The following WDFY4 variants were observed in gnomAD, a reference collection of about 807,000 sequenced individuals.
WDFY4 encodes the protein WD repeat- and FYVE domain-containing protein 4.
A neutral mutation model predicts 351.9 loss-of-function variants in WDFY4; 169 were observed. The ratio of observed to expected loss-of-function variants is 0.48; its 90% CI spans 0.42 to 0.55. The LOEUF (loss-of-function observed/expected upper bound fraction) is 0.55, where lower values mean the gene tolerates loss of function less well. WDFY4 is among the 20% of genes least tolerant of loss of function. The probability of loss-of-function intolerance (pLI) is 0.00; values close to 1 mark genes in which losing one functional copy is unlikely to be tolerated. For synonymous variants in WDFY4, 1,622 were observed against 1,574.6 expected (o/e 1.03, Z -0.71); for missense variants, 3,803 against 3,935.6 (o/e 0.97, Z 0.90).
At position 48,978,391 on chromosome 10, in the gene WDFY4, G is replaced by A. The variant is rs1206807572; in HGVS notation, c.9374G>A (p.Arg3125Lys). The A allele has an allele frequency of 3.2e-6, 5 of 1,550,494 alleles. No individual in the cohort carries two copies. The highest frequency in any genetic ancestry group is 3.9e-5 in the Admixed American group (2 of 50,912). Reference sequence around the variant, plus strand: ...CCCCCGGCTCAGCCTCCAAGCCCAAGAGGTACCTGACCTGCTAGGGATGTG... The same window carrying A: ...CCCCCGGCTCAGCCTCCAAGCCCAAAAGGTACCTGACCTGCTAGGGATGTG... ...EEPPAQPPSP[R>K]GHKWEKNLAL... is the part of the protein sequence containing the mutation. Residue 3125 changes from arginine to lysine, a missense_variant and splice_region_variant, in exon 60 of 62, where the codon AGA becomes AAA. Physicochemically the swap from Arg to Lys is conservative, Grantham distance 26 (BLOSUM62 2). Coordinates refer to ENST00000325239, the MANE Select transcript of WDFY4 (RefSeq NM_001394531.1).
rs1047125861 is a variant in WDFY4, at chr10:48,877,212, A to G, written c.7167+13A>G. ...TGATAAAGAAAAGGTAATATACCCC[A>G]TTGCAATAGCCTTTAAGATTTTTAA... On this transcript the variant is annotated intron_variant, in intron 43 of 61. Transcript: ENST00000325239. 2 of 1,549,278 alleles carry G rather than the reference A, an allele frequency of 1.3e-6. No individual in the cohort carries two copies. The highest frequency in any genetic ancestry group is 3.9e-5 in the Admixed American group (2 of 50,656).
In WDFY4 at chr10:48,754,453, A is replaced by G. The variant is rs570113206; in HGVS notation, c.2460-5894A>G. On this transcript the variant is annotated intron_variant, in intron 12 of 61. Transcript: ENST00000325239. ...AACCTGCCATTCAAATTAAAGTTGT[A>G]AATTACTCTCCTTCTGCATACAAGC... 7.2e-5 allele frequency among the ~76,000 whole-genome samples: 11 copies of G among 151,966 alleles called. No individual in the cohort carries two copies. The South Asian group carries it at 2.3e-3, about 32-fold the overall frequency.
intron 51 of WDFY4, among the ~76,000 whole-genome samples, chr10:48,947,428 C>T (rs1841105251): frequency 6.6e-6 from 1 of 152,194 alleles, no homozygotes; most frequent in African/African-American, 2.4e-5. Context: ...AACCAACTTA[C>T]CCACCCATAC....
chr10:48,948,466 G>A (rs1395631274), intron 51 of WDFY4, among the ~76,000 whole-genome samples: 2 of 152,190 alleles, frequency 1.3e-5, no homozygotes, highest in Non-Finnish European at 2.9e-5. Flanking sequence ...TGTTCAGAAT[G>A]CTTTGGAGTT....
intron 37 of WDFY4, 39 bp from the exon 38 acceptor site, chr10:48,830,661 T>C (rs1230412865): frequency 6.5e-7 from 1 of 1,537,346 alleles, no homozygotes; most frequent in African/African-American, 1.4e-5. Flanking sequence ...GGAGGGTCAC[T>C]GAGGCCATCC....
chr10:48,734,194 C>G (rs114327184), intron 10 of WDFY4, among the ~76,000 whole-genome samples, 159 bp downstream of exon 10: 212 of 152,330 alleles, frequency 1.4e-3, no homozygotes, highest in African/African-American at 4.8e-3. Context: ...CAGTGATCAT[C>G]AGTAAATTCG....
intron 44 of WDFY4, among the ~76,000 whole-genome samples, chr10:48,896,651 C>T (rs78571313): frequency 6.6e-6 from 1 of 152,106 alleles, no homozygotes; most frequent in Non-Finnish European, 1.5e-5. Flanking sequence ...TTGCCTTCCT[C>T]TGCTCCACTC....
At chr10:48,905,932 G>A (rs1265583040) in intron 47 of WDFY4, among the ~76,000 whole-genome samples, 1 of 152,196 alleles carries the variant, frequency 6.6e-6, no homozygotes. Context: ...TCAGCTCCTC[G>A]GAGTGGCCCC....
chr10:48,761,889 C>T (rs1391429150), intron 13 of WDFY4, among the ~76,000 whole-genome samples: 1 of 152,220 alleles, frequency 6.6e-6, no homozygotes, highest in African/African-American at 2.4e-5. Context: ...TCGAGGGCAT[C>T]AATGCCAGTA....
At chr10:48,729,124 G>A (rs764323149) in intron 7 of WDFY4, among the ~76,000 whole-genome samples, 2 of 152,196 alleles carry the variant, frequency 1.3e-5, no homozygotes, top group African/African-American at 2.4e-5. Context: ...CCTTTGGGAG[G>A]TGCCCTGATC....
chr10:48,797,617 T>C (rs909799037), intron 24 of WDFY4, among the ~76,000 whole-genome samples: 1 of 152,200 alleles, frequency 6.6e-6, no homozygotes, highest in African/African-American at 2.4e-5. Flanking sequence ...AAGCACTGTT[T>C]TGAGATCAGA....
intron 1 of WDFY4, among the ~76,000 whole-genome samples, chr10:48,706,970 A>G (rs2063648007): frequency 6.6e-6 from 1 of 152,196 alleles, no homozygotes; most frequent in Non-Finnish European, 1.5e-5. Flanking sequence ...TTTGACTACA[A>G]AGAAAGTTAT....
intron 43 of WDFY4, among the ~76,000 whole-genome samples, chr10:48,889,335 C>T (rs897302765): frequency 2.0e-5 from 3 of 152,150 alleles, no homozygotes; most frequent in East Asian, 3.8e-4. Context: ...CTGGCTTTCA[C>T]GGATCCCATT....
At chr10:48,704,187 T>C (rs1167885357) in intron 1 of WDFY4, among the ~76,000 whole-genome samples, 1 of 151,908 alleles carries the variant, frequency 6.6e-6, no homozygotes, top group Non-Finnish European at 1.5e-5. Context: ...ACCGGGACCA[T>C]GTGGATGAGG....
At chr10:48,883,874 A>G (rs546099166) in intron 43 of WDFY4, 1 of 152,212 alleles carries the variant, frequency 6.6e-6, no homozygotes, top group Non-Finnish European at 1.5e-5. Context: ...GATGGTAATT[A>G]TTCAACTATT....
At chr10:48,754,972 G>T (rs2065291136) in intron 12 of WDFY4, among the ~76,000 whole-genome samples, 1 of 151,838 alleles carries the variant, frequency 6.6e-6, no homozygotes, top group Admixed American at 6.6e-5. Flanking sequence ...TCTTTTTTTG[G>T]CCTACAGTTC....
chr10:48,957,212 C>T lies in WDFY4; in HGVS notation c.8061C>T (p.Asp2687=), dbSNP rs143080919. The T allele has an allele frequency of 7.1e-5, 110 of 1,551,678 alleles. No homozygotes were observed. The highest frequency in any genetic ancestry group is 4.8e-4 in the African/African-American group (35 of 73,152). Residue 2687 remains aspartate (D), a synonymous_variant, in exon 52 of 62, where the codon GAC becomes GAT. Coordinates refer to ENST00000325239, the MANE Select transcript of WDFY4 (RefSeq NM_001394531.1). ...WESASRENMS[D]VRELTPEFFY... ...CGGCCTCCAGAGAGAACATGAGTGACGTCAGGGAGCTGACCCCAGAGTTCT... is the reference window on the plus strand; with the variant it reads ...CGGCCTCCAGAGAGAACATGAGTGATGTCAGGGAGCTGACCCCAGAGTTCT...
At chr10:48,946,239 T>C (rs1841037827) in intron 50 of WDFY4, 82 bp downstream of exon 50, 2 of 1,075,310 alleles carry the variant, frequency 1.9e-6, no homozygotes, top group African/African-American at 1.6e-5. Flanking sequence ...ATTAAGGTGG[T>C]CACCTAGCCT....
At chr10:48,751,657 C>T (rs17011160) in intron 12 of WDFY4, among the ~76,000 whole-genome samples, 20,322 of 152,048 alleles carry the variant, frequency 0.13, 1,556 homozygotes, top group African/African-American at 0.2. Flanking sequence ...CAAATGAGGC[C>T]GCTTTGCTTT....
Sources: gnomAD v4.1 joint callset for allele counts (sites outside exome capture counted in the v4.1 genomes callset) on GRCh38, gnomAD v4.1.1 for gene constraint, MANE v1.5 for transcripts, NCBI Gene and HGNC (gene_info 2026-07-23, HGNC 2026-07-21) for gene names.